The following GPRASP3 variants were observed in gnomAD, a reference collection of about 807,000 sequenced individuals.
GPRASP3 encodes G protein-coupled receptor associated sorting protein 3.
chrX:102,748,789 C>G, the GPRASP3 span: 2 of 373,489 alleles, frequency 5.4e-6, no homozygotes, highest in Admixed American at 9.0e-5. Context: ...CATTCTCCCC[C>G]AGCCCGAGCG....
the GPRASP3 span, among the ~76,000 whole-genome samples, chrX:102,735,544 C>T: frequency 1.8e-5 from 2 of 109,733 alleles, no homozygotes; most frequent in East Asian, 2.9e-4. Context: ...GCTGGGACTA[C>T]AGGCACCCGC....
chrX:102,739,707 G>A, the GPRASP3 span, among the ~76,000 whole-genome samples: 1 of 111,639 alleles, frequency 9.0e-6, no homozygotes, highest in African/African-American at 3.3e-5. Flanking sequence ...GGGCATAATA[G>A]GAACAAAATG....
At chrX:102,750,729 A>G in the GPRASP3 span, 1 of 750,542 alleles carries the variant, frequency 1.3e-6, no homozygotes, top group East Asian at 3.5e-5. Flanking sequence ...CATCTTTAAC[A>G]CAGAGTCACC....
chrX:102,741,452 A>G, the GPRASP3 span, among the ~76,000 whole-genome samples: 3 of 111,982 alleles, frequency 2.7e-5, no homozygotes, highest in Non-Finnish European at 5.6e-5. Flanking sequence ...GAGTGCTCCC[A>G]GAAGGTCATA....
chrX:102,727,740 T>C, the GPRASP3 span, among the ~76,000 whole-genome samples: 177 of 112,427 alleles, frequency 1.6e-3, 1 homozygote, highest in South Asian at 5.9e-3. Context: ...CACTCCATAA[T>C]AGGAATAGAT....
chrX:102,739,033 C>G, the GPRASP3 span, among the ~76,000 whole-genome samples: 1 of 111,545 alleles, frequency 9.0e-6, no homozygotes. Flanking sequence ...TGGTTGCATT[C>G]TTTTGAGTTT....
the GPRASP3 span, among the ~76,000 whole-genome samples, chrX:102,738,452 A>T: frequency 2.7e-5 from 3 of 111,675 alleles, no homozygotes; most frequent in East Asian, 8.5e-4. Context: ...TTCCAGAATT[A>T]ACTGGTCCTT....
chrX:102,752,359 T>C, the GPRASP3 span: 5 of 123,609 alleles, frequency 4.0e-5, no homozygotes, highest in African/African-American at 1.6e-4. Flanking sequence ...AACAAGATCA[T>C]ACTGTAAATG....
the GPRASP3 span, among the ~76,000 whole-genome samples, chrX:102,746,609 G>C: frequency 8.9e-6 from 1 of 112,329 alleles, no homozygotes; most frequent in African/African-American, 3.2e-5. Context: ...GGCCGCGTTC[G>C]CTACTCGGGG....
chrX:102,749,709 A>G, the GPRASP3 span: 9 of 1,211,326 alleles, frequency 7.4e-6, no homozygotes, highest in Non-Finnish European at 3.4e-6. Context: ...CCCAGGCACC[A>G]TCTGAGGCAA....
At chrX:102,750,925 C>A in the GPRASP3 span, 2 of 214,502 alleles carry the variant, frequency 9.3e-6, no homozygotes, top group Admixed American at 6.9e-5. Context: ...CTTAAAATGG[C>A]AAAAAAGAAA....
At chrX:102,727,481 C>A in the GPRASP3 span, among the ~76,000 whole-genome samples, 1 of 112,124 alleles carries the variant, frequency 8.9e-6, no homozygotes, top group East Asian at 2.8e-4. Context: ...TATCCGTAGA[C>A]CAAAGAGACT....
the GPRASP3 span, among the ~76,000 whole-genome samples, chrX:102,729,471 G>T: frequency 8.9e-6 from 1 of 112,047 alleles, no homozygotes; most frequent in African/African-American, 3.2e-5. Context: ...TGCTAACAAG[G>T]CTTTATTATA....
chrX:102,745,492 A>G, the GPRASP3 span, among the ~76,000 whole-genome samples: 6 of 111,081 alleles, frequency 5.4e-5, no homozygotes, highest in Non-Finnish European at 9.5e-5. Context: ...GAAACGCACA[A>G]GAGGACCACC....
At chrX:102,724,718 G>GGTGTGT in the GPRASP3 span, among the ~76,000 whole-genome samples, 2,232 of 98,727 alleles carry the variant, frequency 0.023, 79 homozygotes, top group South Asian at 0.2. Context: ...CAGGGTGACT[G>GGTGTGT]GTGTGTGTGT....
the GPRASP3 span, among the ~76,000 whole-genome samples, chrX:102,745,659 G>A: frequency 5.4e-5 from 6 of 111,479 alleles, no homozygotes; most frequent in South Asian, 7.6e-4. Flanking sequence ...GAGTTGGGGC[G>A]GGGGTGCAGA....
chrX:102,731,913 C>CT, the GPRASP3 span, among the ~76,000 whole-genome samples: 1 of 112,109 alleles, frequency 8.9e-6, no homozygotes, highest in Non-Finnish European at 1.9e-5. Flanking sequence ...AGGTCATACT[C>CT]TGTCATCCTG....
the GPRASP3 span, among the ~76,000 whole-genome samples, chrX:102,736,681 T>C: frequency 8.9e-4 from 99 of 111,613 alleles, no homozygotes; most frequent in Non-Finnish European, 1.5e-3. Context: ...CCATTCCCCA[T>C]GGGAATCTTA....
the GPRASP3 span, among the ~76,000 whole-genome samples, chrX:102,743,182 CT>C: frequency 1.4e-3 from 143 of 101,576 alleles, no homozygotes; most frequent in African/African-American, 1.7e-3. Context: ...ATGTATGTAG[CT>C]TTTTTTTTTT....
Sources: allele counts gnomAD v4.1 joint callset (sites outside exome capture counted in the v4.1 genomes callset), GRCh38; gene constraint gnomAD v4.1.1; transcripts MANE v1.5; gene names NCBI Gene and HGNC (gene_info 2026-07-23, HGNC 2026-07-21).